Variants in BBS5 observed in about 807,000 individuals in gnomAD.
BBS5 encodes Bardet-Biedl syndrome 5.
In BBS5, 39 loss-of-function variants were observed where a neutral mutation model predicts 50.2. The observed-to-expected ratio is 0.78, with a 90% CI of 0.60 to 1.01. The LOEUF is 1.01. Ranked by LOEUF, BBS5 falls within the 50% of genes least tolerant of loss-of-function variation. The pLI is 0.00. For synonymous variants in BBS5, 134 were observed against 133.1 expected, an observed-to-expected ratio of 1.01 and a Z score of -0.05; for missense variants, 356 against 401.5, an observed-to-expected ratio of 0.89 and a Z score of 0.97.
intron 8 of BBS5, among the ~76,000 whole-genome samples, chr2:169,498,049 A>G (rs1683727281): frequency 6.6e-6 from 1 of 152,194 alleles, no homozygotes. Flanking sequence ...AGAAGTTAGG[A>G]ACCTTGACCA....
chr2:169,504,852 C>A lies in BBS5; in HGVS notation c.*270C>A. The stretch of plus-strand genomic sequence containing the variant: ...GCTGAGGGTAGCTGGATTCCTCAGG[C>A]CCGGGCGCTCCTACAGCAGTGCCTG... On this transcript the variant is annotated 3_prime_UTR_variant, in exon 12 of 12. Coordinates refer to ENST00000295240, the MANE Select transcript of BBS5 (RefSeq NM_152384.3). 6.2e-7 allele frequency: 1 copy of A among 1,609,974 alleles called. No individual in the cohort carries two copies. The highest frequency in any genetic ancestry group is 1.3e-5 in the African/African-American group (1 of 74,914).
chr2:169,497,693 A>G lies in BBS5; in HGVS notation c.681+4A>G, dbSNP rs1435204663. The stretch of plus-strand genomic sequence containing the variant: ...TGTCATAGAAAGCTCTCAGCAGGTA[A>G]GATCTTGTATATTTTTATTAATCTT... On this transcript the variant is annotated splice_donor_region_variant and intron_variant, in intron 8 of 11. Coordinates refer to ENST00000295240, the MANE Select transcript of BBS5 (RefSeq NM_152384.3). 1 of 1,574,750 alleles carries G rather than the reference A, an allele frequency of 6.4e-7. No individual in the cohort carries two copies. The highest frequency in any genetic ancestry group is 8.7e-7 in the Non-Finnish European group (1 of 1,145,372).
In BBS5 at chr2:169,505,215, C is replaced by G. The variant is rs1683887414; in HGVS notation, c.*633C>G. ...CGAGTGATCCGCCAGCCTCGGCCTC[C>G]CGAGGTGCCGGGATTGCAGACGGAG... On this transcript the variant is annotated 3_prime_UTR_variant, in exon 12 of 12. Coordinates refer to ENST00000295240, the MANE Select transcript of BBS5 (RefSeq NM_152384.3). 2.0e-6 allele frequency: 1 copy of G among 507,024 alleles called. No individual in the cohort carries two copies. Among genetic ancestry groups the G allele is most frequent in the African/African-American group, 1.9e-5 (1 of 51,554 alleles). 31.4% of individuals were successfully genotyped at this position (507,024 alleles called of 1,614,324 possible). A position where few individuals can be genotyped will look rare whatever the true frequency, so the allele number is the denominator to read the frequency against.
chr2:169,492,779 A>G (rs1683622583), intron 5 of BBS5, 95 bp from the exon 6 acceptor site: 6 of 1,082,392 alleles, frequency 5.5e-6, no homozygotes, highest in East Asian at 5.2e-5. Context: ...AGTAATGTTC[A>G]TAAATACTAA....
Position 169,479,663 on chromosome 2 carries a change from C to A in BBS5, c.59+51C>A, listed in dbSNP as rs376220788. On this transcript the variant is annotated intron_variant, in intron 1 of 11. Coordinates refer to ENST00000295240, the MANE Select transcript of BBS5 (RefSeq NM_152384.3). ...TCTTCAACCCTGTAGAGGGCGCCGC[C>A]GTGCGCGTTAGGGACCCGCGGGCGG... 1.9e-6 allele frequency: 3 copies of A among 1,604,332 alleles called. No homozygotes were observed. In the African/African-American group the frequency reaches 4.0e-5, roughly 21 times the overall value.
chr2:169,493,888 TG>T lies in BBS5; in HGVS notation c.618+53del, dbSNP rs747428422. ...ATTTTAATGTAAAATAAATATTTTT[TG>T]TTCAATAGTTAATTGGACTTTTAGA... is the stretch of plus-strand genomic sequence containing the variant. On this transcript the variant is annotated intron_variant, in intron 7 of 11. Coordinates refer to ENST00000295240, the MANE Select transcript of BBS5 (RefSeq NM_152384.3). 1.0e-5 allele frequency: 13 copies of T among 1,273,520 alleles called. No individual in the cohort carries two copies. In the South Asian group the frequency reaches 1.6e-4, roughly 16 times the overall value. 78.9% of individuals were successfully genotyped at this position (1,273,520 alleles called of 1,614,324 possible).
intron 8 of BBS5, 178 bp from the exon 9 acceptor site, chr2:169,499,307 CT>C: frequency 1.6e-6 from 1 of 608,720 alleles, no homozygotes; most frequent in Non-Finnish European, 2.8e-6. Context: ...TGGAGGCCCC[CT>C]TGTGCTCTTC....
intron 1 of BBS5, among the ~76,000 whole-genome samples, chr2:169,481,364 G>A (rs1469168376): frequency 6.6e-6 from 1 of 152,212 alleles, no homozygotes; most frequent in Non-Finnish European, 1.5e-5. Context: ...AGAATTTAGC[G>A]TTAGAAGCAG....
intron 1 of BBS5, among the ~76,000 whole-genome samples, chr2:169,480,081 C>T (rs1399940400): frequency 1.3e-5 from 2 of 152,154 alleles, no homozygotes; most frequent in East Asian, 1.9e-4. Context: ...AAGCTAGAAT[C>T]CTCATGTCTG....
intron 10 of BBS5, among the ~76,000 whole-genome samples, chr2:169,503,440 G>A (rs529981942): frequency 8.5e-5 from 13 of 152,170 alleles, no homozygotes; most frequent in African/African-American, 2.2e-4. Context: ...TAGGCTGATC[G>A]CTTGAGAGGA....
rs1683879911 is a variant in BBS5 at position 169,505,053 on chromosome 2, TG to T, written c.*472del. 6.9e-7 allele frequency: 1 copy of T among 1,443,106 alleles called. No individual in the cohort carries two copies. The highest frequency in any genetic ancestry group is 1.7e-5 in the Admixed American group (1 of 59,494). The allele number at this position is 1,443,106 out of a possible 1,614,324, so 89.4% of individuals were successfully genotyped here. A position where few individuals can be genotyped will look rare whatever the true frequency, so the allele number is the denominator to read the frequency against. ...CATCTCTGGCTCACTGCAACCTCCC[TG>T]CCTGATTCTCCTGCCTCAGCCTGCC... On this transcript the variant is annotated 3_prime_UTR_variant, in exon 12 of 12. Transcript: ENST00000295240.
At chr2:169,484,464 C>A (rs1005159445) in intron 2 of BBS5, among the ~76,000 whole-genome samples, 1 of 152,150 alleles carries the variant, frequency 6.6e-6, no homozygotes, top group Admixed American at 6.5e-5. Flanking sequence ...GAGTACGCAG[C>A]GCTTCTGGTC....
chr2:169,489,322 G>A (rs1472447072), intron 5 of BBS5, among the ~76,000 whole-genome samples: 2 of 151,906 alleles, frequency 1.3e-5, no homozygotes, highest in Non-Finnish European at 2.9e-5. Context: ...AATTAGCTGA[G>A]CATGGTGGTG....
In BBS5 at chr2:169,506,498, A is replaced by G. The variant is rs1407150087; in HGVS notation, c.*1916A>G. 6.5e-6 allele frequency: 1 copy of G among 153,630 alleles called. No individual in the cohort carries two copies. The highest frequency in any genetic ancestry group is 2.4e-5 in the African/African-American group (1 of 41,480). 9.5% of individuals were successfully genotyped at this position (153,630 alleles called of 1,614,324 possible). ...TAAAACTTAAAGTATAATAAAAAAA[A>G]AAAAACTTCAGTTTTCTAAAAATTA... On this transcript the variant is annotated 3_prime_UTR_variant, in exon 12 of 12. Coordinates refer to ENST00000295240, the MANE Select transcript of BBS5 (RefSeq NM_152384.3).
intron 2 of BBS5, among the ~76,000 whole-genome samples, chr2:169,485,566 C>T (rs1052563251): frequency 1.3e-5 from 2 of 152,198 alleles, no homozygotes; most frequent in Non-Finnish European, 2.9e-5. Flanking sequence ...CTACTGCCTC[C>T]ATTGCTAATA....
Position 169,479,518 on chromosome 2 carries a change from G to T in BBS5, c.-36G>T, listed in dbSNP as rs766694898. On this transcript the variant is annotated 5_prime_UTR_variant, in exon 1 of 12. Coordinates refer to ENST00000295240, the MANE Select transcript of BBS5 (RefSeq NM_152384.3). ...CAGAGAGACGCAGCTAGGCCTGCACGGCTGTGGAGAGATCCTGCCACGGGC... is the reference window on the plus strand; with the variant it reads ...CAGAGAGACGCAGCTAGGCCTGCACTGCTGTGGAGAGATCCTGCCACGGGC... 3.1e-6 allele frequency: 5 copies of T among 1,611,066 alleles called. No individual in the cohort carries two copies. Among genetic ancestry groups the T allele is most frequent in the Non-Finnish European group, 3.4e-6 (4 of 1,177,278 alleles).
At position 169,493,716 on chromosome 2, in the gene BBS5, G is replaced by A. The variant is rs774298713; in HGVS notation, c.523-25G>A. The A allele has an allele frequency of 1.2e-5, 17 of 1,458,142 alleles. No homozygotes were observed. The East Asian group carries it at 1.4e-4, about 12-fold the overall frequency. 90.3% of individuals were successfully genotyped at this position (1,458,142 alleles called of 1,614,324 possible). On this transcript the variant is annotated intron_variant, in intron 6 of 11. Coordinates refer to ENST00000295240, the MANE Select transcript of BBS5 (RefSeq NM_152384.3). ...TAGGTACCAAAAAAATGATCATTTC[G>A]GTATCTCATTACTGTTTTTTACAGG...
At chr2:169,482,380 A>G (rs1335185161) in intron 2 of BBS5, 47 bp downstream of exon 2, 2 of 1,194,918 alleles carry the variant, frequency 1.7e-6, no homozygotes, top group Non-Finnish European at 2.5e-6. Flanking sequence ...TTAATTTACA[A>G]ATGTTGAATC....
At position 169,499,552 on chromosome 2, in the gene BBS5, A is replaced by C. The variant is rs2105301621; in HGVS notation, c.748A>C (p.Ile250Leu). 3 of 1,613,618 alleles carry C rather than the reference A, an allele frequency of 1.9e-6. No individual in the cohort carries two copies. In the South Asian group the frequency reaches 3.3e-5, roughly 18 times the overall value. ...AAAACTACAAGAATCAGTTAAGGAA[A>C]TCAATTCACTTCACAAAGTCTATTC... The part of the protein sequence containing the change: ...VEKLQESVKE[I>L]NSLHKVYSAS... Residue 250 changes from isoleucine to leucine, a missense_variant, in exon 9 of 12, where the codon ATC becomes CTC. Physicochemically the swap from Ile to Leu is conservative, Grantham distance 5. Transcript: ENST00000295240.
Sources: gnomAD v4.1 joint callset for allele counts (sites outside exome capture counted in the v4.1 genomes callset) on GRCh38, gnomAD v4.1.1 for gene constraint, MANE v1.5 for transcripts, NCBI Gene and HGNC (gene_info 2026-07-23, HGNC 2026-07-21) for gene names.